TBC1D32: variants seen among roughly 807,000 people sequenced by gnomAD.
The protein encoded by TBC1D32 is TBC1 domain family member 32.
A neutral mutation model predicts 170.3 loss-of-function variants in TBC1D32; 151 were observed. The observed-to-expected ratio is 0.89, with a 90% CI of 0.78 to 1.01. TBC1D32 has a LOEUF of 1.01. Ranked by LOEUF, TBC1D32 falls within the 50% of genes least tolerant of loss-of-function variation. TBC1D32 has a pLI of 0.00. For missense variants in TBC1D32, 1,464 were observed against 1,457.1 expected (o/e 1.00, Z -0.08); for synonymous variants, 498 against 488.0 (o/e 1.02, Z -0.27).
At chr6:121,334,539 T>A (rs1223496604), upstream of TBC1D32, 1 of 1,341,942 alleles carries the variant, frequency 7.5e-7, no homozygotes, top group East Asian at 2.6e-5. Flanking sequence ...GCGGCGTCGT[T>A]CCCAGGGATA....
At chr6:121,192,794 T>C (rs748163666) in intron 22 of TBC1D32, among the ~76,000 whole-genome samples, 30 of 149,448 alleles carry the variant, frequency 2.0e-4, no homozygotes, top group Admixed American at 5.5e-4. Flanking sequence ...CCATCCCCAG[T>C]AGTGGCAACA....
chr6:121,235,335 A>T (rs1382727065), intron 20 of TBC1D32, among the ~76,000 whole-genome samples: 2 of 152,146 alleles, frequency 1.3e-5, no homozygotes, highest in Non-Finnish European at 2.9e-5. Flanking sequence ...CTTTGTCTTC[A>T]GCTACCAGGG....
chr6:121,233,443 C>T (rs1309340321), intron 20 of TBC1D32, among the ~76,000 whole-genome samples: 1 of 152,040 alleles, frequency 6.6e-6, no homozygotes, highest in Non-Finnish European at 1.5e-5. Flanking sequence ...TGGGACTAGT[C>T]TTTTTATCAT....
intron 25 of TBC1D32, among the ~76,000 whole-genome samples, chr6:121,126,849 C>T (rs1005556052): frequency 6.6e-6 from 1 of 152,064 alleles, no homozygotes; most frequent in Non-Finnish European, 1.5e-5. Context: ...AGGATCAATG[C>T]ATAGCTCATT....
intron 21 of TBC1D32, among the ~76,000 whole-genome samples, chr6:121,219,208 G>A (rs1241809587): frequency 6.6e-6 from 1 of 152,120 alleles, no homozygotes; most frequent in Non-Finnish European, 1.5e-5. Flanking sequence ...TTAGGGTGGA[G>A]GGGAAGAAAG....
rs149903496 is a variant in TBC1D32, at chr6:121,207,776, T to C, written c.2482-2613A>G. ...AACCTACTAGGTCAGACTGAGGCCA[T>C]ACTGGAAAAACAAAAAGGAATATCA... On this transcript the variant is annotated intron_variant, in intron 21 of 31. Coordinates refer to ENST00000398212, the MANE Select transcript of TBC1D32 (RefSeq NM_152730.6). 3.3e-4 allele frequency among the ~76,000 whole-genome samples: 51 copies of C among 152,290 alleles called. No individual in the cohort carries two copies. In the East Asian group the frequency reaches 9.8e-3, roughly 29 times the overall value.
chr6:121,107,780 C>A (rs907908138), intron 29 of TBC1D32, among the ~76,000 whole-genome samples: 1 of 151,972 alleles, frequency 6.6e-6, no homozygotes, highest in East Asian at 1.9e-4. Flanking sequence ...CATAAGAGTT[C>A]TATGTATAGG....
chr6:121,295,289 CAAAAAAA>C (rs60783883), intron 10 of TBC1D32, among the ~76,000 whole-genome samples: 3 of 108,576 alleles, frequency 2.8e-5, no homozygotes, highest in Admixed American at 2.0e-4. Flanking sequence ...ATCCTAATTC[CAAAAAAA>C]AAAAAAAAAA....
chr6:121,281,620 G>C lies in TBC1D32; in HGVS notation c.1532C>G (p.Ala511Gly). 6.2e-7 allele frequency: 1 copy of C among 1,606,976 alleles called. No homozygotes were observed. The highest frequency in any genetic ancestry group is 8.5e-7 in the Non-Finnish European group (1 of 1,175,624). ...LWILSDQKEC[A>G]VECLYNNIVI... is the part of the protein sequence containing the mutation. Reference sequence around the variant, plus strand: ...AATGTTGTTATATAAGCATTCCACTGCACATTCTTTTTGATCACTGAGTAT... The same window carrying C: ...AATGTTGTTATATAAGCATTCCACTCCACATTCTTTTTGATCACTGAGTAT... Residue 511 changes from alanine (A) to glycine (G), a missense_variant, in exon 14 of 32, where the codon GCA (alanine) becomes GGA (glycine). By Grantham distance (60) the Ala-to-Gly change is moderately conservative (BLOSUM62 0). Around this residue, in one of 3 missense-constraint regions of TBC1D32, gnomAD observed 1,363 missense variants for 1,338.1 expected, o/e 1.02. Transcript: ENST00000398212.
In TBC1D32 at chr6:121,281,620, G is replaced by A; in HGVS notation, c.1532C>T (p.Ala511Val). 6.2e-7 allele frequency: 1 copy of A among 1,606,976 alleles called. No individual in the cohort carries two copies. Among genetic ancestry groups the A allele is most frequent in the African/African-American group, 1.3e-5 (1 of 74,720 alleles). Residue 511 changes from alanine to valine, a missense_variant, in exon 14 of 32, where the codon GCA (alanine) becomes GTA (valine). Ala to Val is a moderately conservative substitution (Grantham distance 64). This residue lies in a region of TBC1D32 where 1,363 missense variants were observed against 1,338.1 expected (regional missense o/e 1.02). Transcript: ENST00000398212. The stretch of plus-strand genomic sequence containing the variant: ...AATGTTGTTATATAAGCATTCCACT[G>A]CACATTCTTTTTGATCACTGAGTAT... ...LWILSDQKEC[A>V]VECLYNNIVI...
intron 23 of TBC1D32, among the ~76,000 whole-genome samples, chr6:121,160,374 C>G (rs538428437): frequency 4.1e-5 from 2 of 48,594 alleles, no homozygotes; most frequent in Non-Finnish European, 2.1e-4. Context: ...GATAAATTTA[C>G]TGTGTTTTTT....
chr6:121,311,335 T>G (rs1381859474), intron 3 of TBC1D32, among the ~76,000 whole-genome samples: 1 of 152,170 alleles, frequency 6.6e-6, no homozygotes, highest in Non-Finnish European at 1.5e-5. Context: ...ATAAAAAAGT[T>G]TATAGTAGAT....
intron 22 of TBC1D32, among the ~76,000 whole-genome samples, chr6:121,186,982 A>T (rs1789290718): frequency 6.6e-6 from 1 of 152,080 alleles, no homozygotes; most frequent in Non-Finnish European, 1.5e-5. Flanking sequence ...ACTAGATATT[A>T]GTACTGAATT....
At chr6:121,332,506 A>G (rs1811349842) in intron 1 of TBC1D32, among the ~76,000 whole-genome samples, 1 of 152,152 alleles carries the variant, frequency 6.6e-6, no homozygotes, top group South Asian at 2.1e-4. Flanking sequence ...CAGGATATTC[A>G]TGAAAACCTT....
intron 30 of TBC1D32, among the ~76,000 whole-genome samples, chr6:121,104,676 G>GA (rs1473011389): frequency 2.6e-5 from 4 of 151,498 alleles, no homozygotes; most frequent in African/African-American, 7.3e-5. Flanking sequence ...AAATAAAATT[G>GA]AAACAGATCT....
At chr6:121,122,532 T>A (rs1322676787) in intron 26 of TBC1D32, among the ~76,000 whole-genome samples, 1 of 151,528 alleles carries the variant, frequency 6.6e-6, no homozygotes, top group Non-Finnish European at 1.5e-5. Context: ...ATATCTTGCC[T>A]GCACATCCCC....
intron 31 of TBC1D32, among the ~76,000 whole-genome samples, chr6:121,085,284 TATACATATATAC>T (rs1449670853): frequency 1.4e-5 from 2 of 143,852 alleles, no homozygotes; most frequent in South Asian, 2.1e-4. Flanking sequence ...TACGTATATA[TATACATATATAC>T]ATACATATAT....
At chr6:121,202,798 T>C (rs1791757020) in intron 22 of TBC1D32, among the ~76,000 whole-genome samples, 1 of 151,224 alleles carries the variant, frequency 6.6e-6, no homozygotes. Context: ...TATTAGTCAT[T>C]TACAATGTAA....
chr6:121,316,886 G>T (rs1412956661), intron 3 of TBC1D32, among the ~76,000 whole-genome samples: 2 of 152,102 alleles, frequency 1.3e-5, no homozygotes, highest in Non-Finnish European at 2.9e-5. Flanking sequence ...TGGCCTGATA[G>T]CCTCTGTGTA....
Sources: allele counts gnomAD v4.1 joint callset (sites outside exome capture counted in the v4.1 genomes callset), GRCh38; gene constraint gnomAD v4.1.1; regional missense constraint gnomAD v4.1.1; transcripts MANE v1.5; gene names NCBI Gene and HGNC (gene_info 2026-07-23, HGNC 2026-07-21).